The following CHM variants were observed in gnomAD, a reference collection of about 807,000 sequenced individuals.
CHM encodes rab proteins geranylgeranyltransferase component A 1.
Under a neutral mutation model 49.0 loss-of-function variants are expected in CHM, and 10 were observed. The observed-to-expected ratio is 0.20, with a 90% confidence interval of 0.13 to 0.35. The LOEUF is 0.35. CHM is among the 10% of genes least tolerant of loss of function. The pLI is 1.00. For missense variants in CHM, 455 were observed against 478.4 expected, an observed-to-expected ratio of 0.95 and a Z score of 0.46; for synonymous variants, 184 against 167.5, an observed-to-expected ratio of 1.10 and a Z score of -0.76.
intron 4 of CHM, among the ~76,000 whole-genome samples, chrX:85,968,051 A>G (rs1930673630): frequency 9.0e-6 from 1 of 111,490 alleles, no homozygotes; most frequent in Admixed American, 9.5e-5. Flanking sequence ...TGCTGCAGAC[A>G]TTGTATTCTT....
At chrX:86,003,249 T>C (rs755378501) in intron 2 of CHM, among the ~76,000 whole-genome samples, 40 of 111,588 alleles carry the variant, frequency 3.6e-4, no homozygotes, top group Admixed American at 2.1e-3. Context: ...CAAAACCCCA[T>C]CTGTAGGTCA....
At chrX:85,975,806 C>T (rs937954506) in intron 4 of CHM, among the ~76,000 whole-genome samples, 2 of 112,248 alleles carry the variant, frequency 1.8e-5, no homozygotes, top group Non-Finnish European at 3.8e-5. Context: ...TAAATACACA[C>T]AAACTCCATA....
intron 2 of CHM, among the ~76,000 whole-genome samples, chrX:86,017,750 C>T (rs1182477127): frequency 1.8e-5 from 2 of 110,873 alleles, no homozygotes; most frequent in African/African-American, 6.6e-5. Flanking sequence ...AAAAAAGCTA[C>T]GAAAAAGCTA....
rs12689467 is a variant in CHM, at chrX:85,896,821, A to G, written c.1414-2537T>C. Reference sequence around the variant, plus strand: ...AGCCAAGAGTACAAACTTATATAATATATAATTATATAATATATTATATAA... The same window carrying G: ...AGCCAAGAGTACAAACTTATATAATGTATAATTATATAATATATTATATAA... On this transcript the variant is annotated intron_variant, in intron 11 of 14. Coordinates refer to ENST00000357749, the MANE Select transcript of CHM (RefSeq NM_000390.4). Among the ~76,000 whole-genome samples, 349 of 101,125 alleles carry G rather than the reference A, an allele frequency of 3.5e-3. 2 individuals are homozygous for G. The East Asian group carries it at 0.051, about 15-fold the overall frequency. The allele number at this position is 101,125 out of a possible 115,157, so 87.8% of individuals were successfully genotyped here. A position where few individuals can be genotyped will look rare whatever the true frequency, so the allele number is the denominator to read the frequency against.
chrX:85,933,026 T>C (rs1414957667), intron 8 of CHM, among the ~76,000 whole-genome samples: 1 of 111,063 alleles, frequency 9.0e-6, no homozygotes, highest in Non-Finnish European at 1.9e-5. Flanking sequence ...GTTAGGCATT[T>C]GAGACCAGCC....
At chrX:85,890,156 C>G (rs1405545687) in intron 12 of CHM, among the ~76,000 whole-genome samples, 4 of 111,379 alleles carry the variant, frequency 3.6e-5, no homozygotes, top group Admixed American at 9.5e-5. Context: ...GCGATATACC[C>G]TTGTAATGAA....
chrX:85,945,170 G>C (rs1368190708), intron 8 of CHM, among the ~76,000 whole-genome samples: 1 of 110,823 alleles, frequency 9.0e-6, no homozygotes, highest in Admixed American at 9.6e-5. Flanking sequence ...TGAGAAACTA[G>C]AAAAACTACC....
At chrX:86,031,709 G>A (rs951341340) in intron 1 of CHM, among the ~76,000 whole-genome samples, 3 of 47,171 alleles carry the variant, frequency 6.4e-5, no homozygotes, top group Admixed American at 2.5e-4. Context: ...GCGCGGTGGC[G>A]CATGCCCATA....
intron 2 of CHM, among the ~76,000 whole-genome samples, chrX:85,997,688 G>A (rs1366053891): frequency 9.0e-6 from 1 of 111,260 alleles, no homozygotes; most frequent in Admixed American, 9.6e-5. Flanking sequence ...GGTGGCGGTG[G>A]CTCACACCTG....
At chrX:85,941,675 A>G (rs1929118635) in intron 8 of CHM, among the ~76,000 whole-genome samples, 1 of 111,285 alleles carries the variant, frequency 9.0e-6, no homozygotes, top group Non-Finnish European at 1.9e-5. Context: ...TTGTTAACAT[A>G]TTGTCTATGG....
chrX:85,884,326 T>G (rs952722022), intron 12 of CHM, among the ~76,000 whole-genome samples: 3 of 111,236 alleles, frequency 2.7e-5, no homozygotes, highest in African/African-American at 9.8e-5. Flanking sequence ...CCTGCATTAC[T>G]GGATAATCAT....
In CHM at chrX:85,961,076, G is replaced by A. The variant is rs140876809; in HGVS notation, c.703-2099C>T. 6.3e-5 allele frequency among the ~76,000 whole-genome samples: 7 copies of A among 111,128 alleles called. 1 individual carries two copies. In the East Asian group the frequency reaches 1.7e-3, roughly 27 times the overall value. On this transcript the variant is annotated intron_variant, in intron 5 of 14. Coordinates refer to ENST00000357749, the MANE Select transcript of CHM (RefSeq NM_000390.4). ...TATCATGATGTCTTTGAGGTTGAAC[G>A]CATATAGAAATGTCAACTAGTTTGG... is the stretch of plus-strand genomic sequence containing the variant.
intron 8 of CHM, among the ~76,000 whole-genome samples, chrX:85,951,043 G>A (rs1382137153): frequency 1.8e-5 from 2 of 111,426 alleles, no homozygotes; most frequent in Non-Finnish European, 3.8e-5. Flanking sequence ...TTCCACTCAA[G>A]AGAAAAAAGA....
At chrX:85,976,865 AACACACACAAACAC>A (rs1331833311) in intron 4 of CHM, among the ~76,000 whole-genome samples, 92 of 71,123 alleles carry the variant, frequency 1.3e-3, no homozygotes, top group Middle Eastern at 7.0e-3. Flanking sequence ...CTAGGGGGAA[AACACACACAAACAC>A]ACACACACAC....
At chrX:85,945,051 G>C (rs1929325702) in intron 8 of CHM, among the ~76,000 whole-genome samples, 1 of 111,361 alleles carries the variant, frequency 9.0e-6, no homozygotes, top group African/African-American at 3.3e-5. Flanking sequence ...AATGCCACAT[G>C]TTCTCACTTA....
intron 1 of CHM, among the ~76,000 whole-genome samples, chrX:86,036,034 C>T (rs929113473): frequency 3.6e-3 from 401 of 110,152 alleles, no homozygotes; most frequent in Non-Finnish European, 6.0e-3. Flanking sequence ...ACCTCATGAT[C>T]CGCCCGCCTC....
intron 2 of CHM, among the ~76,000 whole-genome samples, chrX:85,993,751 C>G (rs1262591135): frequency 8.9e-6 from 1 of 111,785 alleles, no homozygotes; most frequent in East Asian, 2.8e-4. Context: ...TTTGAGTGAG[C>G]CAAGGGCCTG....
chrX:85,974,204 G>A (rs760747657), intron 4 of CHM, among the ~76,000 whole-genome samples: 118 of 111,985 alleles, frequency 1.1e-3, no homozygotes, highest in Non-Finnish European at 2.0e-3. Context: ...ACATGTACAG[G>A]ATCAGTATGC....
intron 12 of CHM, among the ~76,000 whole-genome samples, chrX:85,887,605 T>A (rs953930027): frequency 9.0e-6 from 1 of 110,998 alleles, no homozygotes; most frequent in Non-Finnish European, 1.9e-5. Context: ...TTGGAACAGT[T>A]TGGTGGGTTC....
Sources: allele counts gnomAD v4.1 joint callset (sites outside exome capture counted in the v4.1 genomes callset), GRCh38; gene constraint gnomAD v4.1.1; transcripts MANE v1.5; gene names NCBI Gene and HGNC (gene_info 2026-07-23, HGNC 2026-07-21).